SCFD2: variants seen among roughly 807,000 people sequenced by gnomAD.
SCFD2 encodes the protein sec1 family domain containing 2, also known as sec1 family domain-containing protein 2.
A neutral mutation model predicts 58.9 loss-of-function variants in SCFD2; 54 were observed. The observed-to-expected ratio is 0.92, with a 90% CI of 0.74 to 1.15. SCFD2 has a LOEUF of 1.15. SCFD2 is among the 50% of genes most tolerant of loss of function. SCFD2 has a pLI of 0.00. For missense variants in SCFD2, 805 were observed against 836.6 expected (o/e 0.96, Z 0.47); for synonymous variants, 321 against 335.9 (o/e 0.96, Z 0.49).
At chr4:53,216,041 G>A (rs1291819946) in intron 4 of SCFD2, among the ~76,000 whole-genome samples, 3 of 152,080 alleles carry the variant, frequency 2.0e-5, no homozygotes, top group African/African-American at 7.2e-5. Context: ...TGCTGGATTC[G>A]GTTCATCAGT....
At position 53,108,588 on chromosome 4, in the gene SCFD2, C is replaced by T. The variant is rs536199096; in HGVS notation, c.1561+36745G>A. The stretch of plus-strand genomic sequence containing the variant: ...CTACCATCAGAGAATACTATAAACA[C>T]CTCTACACAAATAAACTAGAAAATC... On this transcript the variant is annotated intron_variant, in intron 5 of 8. Coordinates refer to ENST00000401642, the MANE Select transcript of SCFD2 (RefSeq NM_152540.4). Among the ~76,000 whole-genome samples the T allele has an allele frequency of 3.1e-3, 468 of 152,214 alleles. 1 individual carries two copies. The highest frequency in any genetic ancestry group is 0.01 in the African/African-American group (434 of 41,526).
intron 4 of SCFD2, among the ~76,000 whole-genome samples, chr4:53,231,320 T>C (rs1273785287): frequency 6.6e-6 from 1 of 152,108 alleles, no homozygotes; most frequent in East Asian, 1.9e-4. Context: ...ACAGATTTTG[T>C]TTTTCTTGTT....
chr4:53,338,012 C>G (rs908912590), intron 2 of SCFD2, among the ~76,000 whole-genome samples: 4 of 152,080 alleles, frequency 2.6e-5, no homozygotes, highest in African/African-American at 9.7e-5. Context: ...AACAGAAGTT[C>G]AGATTGAAAT....
At chr4:53,338,632 G>A (rs573098598) in intron 2 of SCFD2, among the ~76,000 whole-genome samples, 292 of 116,578 alleles carry the variant, frequency 2.5e-3, no homozygotes, top group Middle Eastern at 5.6e-3. Flanking sequence ...CCAGGCTGGA[G>A]TGCAGTGGCG....
At chr4:53,165,752 T>C (rs1489446261) in intron 4 of SCFD2, among the ~76,000 whole-genome samples, 1 of 152,192 alleles carries the variant, frequency 6.6e-6, no homozygotes, top group Non-Finnish European at 1.5e-5. Flanking sequence ...TTTGAGTGTT[T>C]TGCTCACTGC....
chr4:53,013,575 T>C (rs7658716), intron 5 of SCFD2, among the ~76,000 whole-genome samples: 115,837 of 152,158 alleles, frequency 0.76, 47,558 homozygotes, highest in Non-Finnish European at 0.9. Flanking sequence ...AGATAGTCTC[T>C]ACAATTTCTG....
intron 3 of SCFD2, among the ~76,000 whole-genome samples, chr4:53,286,543 G>A (rs1427961365): frequency 6.6e-6 from 1 of 152,092 alleles, no homozygotes; most frequent in African/African-American, 2.4e-5. Context: ...GCACAGCAGA[G>A]CAGCTATATA....
At chr4:53,141,268 G>C (rs1726155549) in intron 5 of SCFD2, among the ~76,000 whole-genome samples, 1 of 152,120 alleles carries the variant, frequency 6.6e-6, no homozygotes, top group Non-Finnish European at 1.5e-5. Context: ...TAACAGTTAA[G>C]ATGAGAGGAA....
chr4:52,879,219 T>C (rs541481135), intron 8 of SCFD2, among the ~76,000 whole-genome samples: 1 of 152,300 alleles, frequency 6.6e-6, no homozygotes, highest in Admixed American at 6.5e-5. Flanking sequence ...TGCTCAGAGC[T>C]TGGCCCAGCC....
At chr4:53,215,133 C>G (rs1036110855) in intron 4 of SCFD2, among the ~76,000 whole-genome samples, 154 of 152,098 alleles carry the variant, frequency 1.0e-3, no homozygotes, top group African/African-American at 3.6e-3. Flanking sequence ...CTTGGCAATG[C>G]AGGCTCTTTT....
intron 2 of SCFD2, among the ~76,000 whole-genome samples, chr4:53,330,297 A>C (rs1251717723): frequency 2.0e-5 from 3 of 151,852 alleles, no homozygotes; most frequent in Non-Finnish European, 4.4e-5. Context: ...TAATTGTCAG[A>C]TTCACCAAAG....
chr4:53,081,186 T>A (rs1462871568), intron 5 of SCFD2, among the ~76,000 whole-genome samples: 4 of 152,214 alleles, frequency 2.6e-5, no homozygotes, highest in African/African-American at 9.6e-5. Context: ...AATTGTTGTA[T>A]AATCTATCCT....
At chr4:52,974,114 C>G (rs992976879) in intron 5 of SCFD2, among the ~76,000 whole-genome samples, 5 of 152,182 alleles carry the variant, frequency 3.3e-5, no homozygotes, top group African/African-American at 4.8e-5. Context: ...GGGCACAAGA[C>G]AGGGATGCCC....
chr4:53,178,649 G>A (rs1161264837), intron 4 of SCFD2, among the ~76,000 whole-genome samples: 1 of 152,218 alleles, frequency 6.6e-6, no homozygotes, highest in Non-Finnish European at 1.5e-5. Context: ...GCTGGACGGA[G>A]AATGACTTTG....
intron 3 of SCFD2, among the ~76,000 whole-genome samples, chr4:53,309,880 C>A (rs1386352905): frequency 6.6e-6 from 1 of 152,200 alleles, no homozygotes; most frequent in Admixed American, 6.5e-5. Context: ...TAACTTCCCT[C>A]TGCTCAGAGC....
chr4:53,184,014 T>C (rs1174351872), intron 4 of SCFD2, among the ~76,000 whole-genome samples: 2 of 152,156 alleles, frequency 1.3e-5, no homozygotes, highest in Non-Finnish European at 2.9e-5. Flanking sequence ...CAAATGCCTT[T>C]CAGAGACTAC....
At chr4:53,028,249 A>AAAATAAAT (rs537563080) in intron 5 of SCFD2, among the ~76,000 whole-genome samples, 3 of 152,164 alleles carry the variant, frequency 2.0e-5, no homozygotes, top group Admixed American at 6.5e-5. Context: ...CCTGTCTCAA[A>AAAATAAAT]AAATAAATAA....
At chr4:53,184,128 G>C (rs1283865176) in intron 4 of SCFD2, among the ~76,000 whole-genome samples, 2 of 152,122 alleles carry the variant, frequency 1.3e-5, no homozygotes, top group Non-Finnish European at 1.5e-5. Flanking sequence ...AAAGGCCATT[G>C]TATTGGAGAT....
At position 53,145,437 on chromosome 4, in the gene SCFD2, G is replaced by T. The variant is rs753875298; in HGVS notation, c.1457C>A (p.Thr486Lys). 1.1e-5 allele frequency: 18 copies of T among 1,614,038 alleles called. 1 individual carries two copies. Among genetic ancestry groups the T allele is most frequent in the East Asian group, 8.9e-5 (4 of 44,880 alleles). ...IYIYSVTGELTVDKDLCEAEE... is the reference protein window; with the variant it reads ...IYIYSVTGELKVDKDLCEAEE... ...TGCTTCACACAGGTCTTTGTCTACCGTGAGCTCTCCAGTGACAGAATAAAT... is the reference window on the plus strand; with the variant it reads ...TGCTTCACACAGGTCTTTGTCTACCTTGAGCTCTCCAGTGACAGAATAAAT... Residue 486 changes from threonine to lysine, a missense_variant, in exon 5 of 9, where the codon ACG becomes AAG. Coordinates refer to ENST00000401642, the MANE Select transcript of SCFD2 (RefSeq NM_152540.4).
Sources: gnomAD v4.1 joint callset for allele counts (sites outside exome capture counted in the v4.1 genomes callset) on GRCh38, gnomAD v4.1.1 for gene constraint, MANE v1.5 for transcripts, NCBI Gene and HGNC (gene_info 2026-07-23, HGNC 2026-07-21) for gene names.